The following SLC11A2 variants were observed in gnomAD, a reference collection of about 807,000 sequenced individuals.
SLC11A2 encodes solute carrier family 11 member 2, also known as natural resistance-associated macrophage protein 2.
Under a neutral mutation model 68.0 loss-of-function variants are expected in SLC11A2, and 38 were observed. The observed-to-expected ratio is 0.56, with a 90% CI of 0.43 to 0.73. SLC11A2 has a LOEUF of 0.73. Ranked by LOEUF, SLC11A2 falls within the 30% of genes least tolerant of loss-of-function variation. The pLI, the probability that SLC11A2 is intolerant of heterozygous loss-of-function variation, is 0.00. For synonymous variants in SLC11A2, 242 were observed against 250.6 expected, an observed-to-expected ratio of 0.97 and a Z score of 0.32; for missense variants, 517 against 690.5, an observed-to-expected ratio of 0.75 and a Z score of 2.82.
chr12:50,960,303 AAGAGT>A, the SLC11A2 span, among the ~76,000 whole-genome samples: 1 of 152,208 alleles, frequency 6.6e-6, no homozygotes, highest in Non-Finnish European at 1.5e-5. Context: ...ACAGGAAGAG[AAGAGT>A]AAAGCCAAAC....
chr12:51,009,027 T>G, intron 2 of SLC11A2: 1 of 793,840 alleles, frequency 1.3e-6, no homozygotes, highest in Non-Finnish European at 2.1e-6. Context: ...GACCAGCTCC[T>G]GGTAACCTAA....
intron 3 of SLC11A2, among the ~76,000 whole-genome samples, chr12:51,007,978 T>C (rs1942869795): frequency 1.3e-5 from 2 of 152,096 alleles, no homozygotes; most frequent in East Asian, 1.9e-4. Flanking sequence ...AGAGGAAGGA[T>C]AGCTTGAGGC....
downstream of SLC11A2, chr12:50,981,151 T>C (rs1330245899): frequency 1.3e-5 from 2 of 152,226 alleles, no homozygotes; most frequent in Non-Finnish European, 2.9e-5. Flanking sequence ...TGTGTTAATA[T>C]GATGTGTTAA....
At chr12:50,995,376 C>A (rs1316462551) in intron 10 of SLC11A2, among the ~76,000 whole-genome samples, 1 of 152,182 alleles carries the variant, frequency 6.6e-6, no homozygotes, top group Admixed American at 6.5e-5. Flanking sequence ...AAGACAAAGT[C>A]TGTCATCATC....
chr12:50,953,891 T>C, the SLC11A2 span: 9 of 640,448 alleles, frequency 1.4e-5, no homozygotes, highest in Admixed American at 1.7e-4. Flanking sequence ...ATCAAACAAA[T>C]GAAAACAAAA....
At chr12:51,026,768 A>G (rs1022307031), upstream of SLC11A2, among the ~76,000 whole-genome samples, 1 of 151,962 alleles carries the variant, frequency 6.6e-6, no homozygotes, top group Admixed American at 6.6e-5. Flanking sequence ...GGAGGCTCAC[A>G]CTTGTAATGC....
chr12:50,964,544 GA>G, the SLC11A2 span, among the ~76,000 whole-genome samples: 1 of 152,188 alleles, frequency 6.6e-6, no homozygotes, highest in African/African-American at 2.4e-5. Context: ...GTGTAATGAA[GA>G]GATGATCAAG....
intron 1 of SLC11A2, among the ~76,000 whole-genome samples, chr12:51,025,009 G>T (rs1320996189): frequency 6.6e-6 from 1 of 152,120 alleles, no homozygotes; most frequent in Non-Finnish European, 1.5e-5. Context: ...AACAGCCGAA[G>T]GTTTCAGGTT....
In SLC11A2 at chr12:50,994,581, T is replaced by C. The variant is rs751620934; in HGVS notation, c.1040A>G (p.Lys347Arg). The change falls in exon 11 of 16, where the codon AAA becomes AGA. Residue 347 changes from lysine (K) to arginine (R), a missense_variant. By Grantham distance (26) the Lys-to-Arg change is conservative. Coordinates refer to ENST00000262052, the MANE Select transcript of SLC11A2 (RefSeq NM_000617.3). ...GTCCACAGCCAGTGTCGAGTTATCT[T>C]TAGGAAAGAGGCCAGCATGAGGACT... ...TSSPHAGLFP[K>R]DNSTLAVDIY... The C allele has an allele frequency of 1.9e-6, 3 of 1,613,234 alleles. No individual in the cohort carries two copies. Among genetic ancestry groups the C allele is most frequent in the Non-Finnish European group, 2.5e-6 (3 of 1,179,176 alleles).
chr12:51,020,028 G>GT (rs1361477929), intron 1 of SLC11A2, among the ~76,000 whole-genome samples: 1 of 152,106 alleles, frequency 6.6e-6, no homozygotes, highest in Non-Finnish European at 1.5e-5. Context: ...TTTCCAAATT[G>GT]TTCTTGAAGG....
chr12:50,990,091 T>TA (rs1940994012), intron 15 of SLC11A2, among the ~76,000 whole-genome samples: 1 of 152,216 alleles, frequency 6.6e-6, no homozygotes, highest in Admixed American at 6.5e-5. Context: ...CTAGACTTCT[T>TA]AAAAAATTTT....
the SLC11A2 span, among the ~76,000 whole-genome samples, chr12:50,956,321 A>C: frequency 6.6e-6 from 1 of 152,100 alleles, no homozygotes; most frequent in Non-Finnish European, 1.5e-5. Context: ...GAACTCAGGA[A>C]GTGGAGGTTG....
In SLC11A2 at chr12:51,005,359, T is replaced by C; in HGVS notation, c.261A>G (p.Pro87=). 6.2e-7 allele frequency: 1 copy of C among 1,614,054 alleles called. No homozygotes were observed. Among genetic ancestry groups the C allele is most frequent in the Non-Finnish European group, 8.5e-7 (1 of 1,179,964 alleles). ...GFLMSIAYLD[P]GNIESDLQSG... is the part of the protein sequence containing the mutation. Reference sequence around the variant, plus strand: ...ACTGCAAATCGGATTCAATATTTCCTGGATCCAGGTAGGCAATGCTCATAA... The same window carrying C: ...ACTGCAAATCGGATTCAATATTTCCCGGATCCAGGTAGGCAATGCTCATAA... Residue 87 remains proline (P), a synonymous_variant, in exon 4 of 16, where the codon CCA becomes CCG. Transcript: ENST00000262052.
At chr12:50,990,185 TGA>T (rs10543150) in intron 15 of SLC11A2, among the ~76,000 whole-genome samples, 152,240 of 152,242 alleles carry the variant, frequency 1, 76,119 homozygotes, top group Middle Eastern at 1. Context: ...GACTCTAGAA[TGA>T]GAGAGTCAAG....
chr12:50,983,923 G>A (rs1017350727), downstream of SLC11A2, among the ~76,000 whole-genome samples: 33 of 151,156 alleles, frequency 2.2e-4, no homozygotes, highest in African/African-American at 4.1e-4. Context: ...AGCTGAGATC[G>A]CACCACTGCA....
chr12:51,011,991 A>G (rs980313481), intron 1 of SLC11A2, among the ~76,000 whole-genome samples: 17 of 152,218 alleles, frequency 1.1e-4, no homozygotes, highest in Non-Finnish European at 1.9e-4. Context: ...GTGGAAGGCC[A>G]CTATTTGGCA....
chr12:50,997,104 A>G, intron 8 of SLC11A2, 132 bp from the exon 9 acceptor site: 1 of 756,468 alleles, frequency 1.3e-6, no homozygotes, highest in Non-Finnish European at 2.3e-6. Flanking sequence ...TTGAGATAGG[A>G]TCTTGCTCTG....
chr12:50,954,715 G>A, the SLC11A2 span, among the ~76,000 whole-genome samples: 4 of 152,094 alleles, frequency 2.6e-5, no homozygotes, highest in East Asian at 3.9e-4. Flanking sequence ...GACATAGTGA[G>A]ACCCTGTCTC....
Position 50,987,597 on chromosome 12 carries a change from TC to T in SLC11A2, c.*727del. ...GTACTAACAGGCAGGTTATTAAGACTCCCAAGAAATCCTCATAAGCTTTTCA... is the reference window on the plus strand; with the variant it reads ...GTACTAACAGGCAGGTTATTAAGACTCCAAGAAATCCTCATAAGCTTTTCA... On this transcript the variant is annotated 3_prime_UTR_variant, in exon 16 of 16. Coordinates refer to ENST00000262052, the MANE Select transcript of SLC11A2 (RefSeq NM_000617.3). 7.8e-7 allele frequency: 1 copy of T among 1,287,158 alleles called. No individual in the cohort carries two copies. The highest frequency in any genetic ancestry group is 1.2e-5 in the South Asian group (1 of 80,932). The allele number at this position is 1,287,158 out of a possible 1,614,324, so 79.7% of individuals were successfully genotyped here.
Sources: allele counts gnomAD v4.1 joint callset (sites outside exome capture counted in the v4.1 genomes callset), GRCh38; gene constraint gnomAD v4.1.1; transcripts MANE v1.5; gene names NCBI Gene and HGNC (gene_info 2026-07-23, HGNC 2026-07-21).